SSH3: variants seen among roughly 807,000 people sequenced by gnomAD.
The protein encoded by SSH3 is slingshot protein phosphatase 3, also known as protein phosphatase Slingshot homolog 3.
A neutral mutation model predicts 75.0 loss-of-function variants in SSH3; 67 were observed. The ratio of observed to expected loss-of-function variants is 0.89; its 90% confidence interval spans 0.73 to 1.10. The LOEUF (loss-of-function observed/expected upper bound fraction) is 1.10, where lower values mean the gene tolerates loss of function less well. Ranked by LOEUF, SSH3 falls within the 50% of genes least tolerant of loss-of-function variation. The probability of loss-of-function intolerance (pLI) is 0.00; values close to 1 mark genes in which losing one functional copy is unlikely to be tolerated. For synonymous variants in SSH3, 318 were observed against 349.2 expected (o/e 0.91, Z 1.00); for missense variants, 824 against 872.7 (o/e 0.94, Z 0.70).
At chr11:67,306,724 A>G (rs759454568) in intron 3 of SSH3, 114 bp from the exon 4 acceptor site, 10 of 1,230,958 alleles carry the variant, frequency 8.1e-6, no homozygotes, top group African/African-American at 4.6e-5. Flanking sequence ...ATCTGGGAAG[A>G]GGGGGGATGG....
chr11:67,311,183 C>T (rs1400971853), intron 13 of SSH3, among the ~76,000 whole-genome samples: 3 of 152,170 alleles, frequency 2.0e-5, no homozygotes, highest in African/African-American at 7.2e-5. Flanking sequence ...AAGAGGTCCT[C>T]ACCCAGCACC....
intron 3 of SSH3, among the ~76,000 whole-genome samples, chr11:67,305,674 C>A (rs950613053): frequency 6.6e-6 from 1 of 152,098 alleles, no homozygotes; most frequent in African/African-American, 2.4e-5. Flanking sequence ...CTAAATGGAC[C>A]AGTGCACAAG....
Position 67,304,939 on chromosome 11 carries a change from C to G in SSH3, c.271C>G (p.Gln91Glu), listed in dbSNP as rs941903504. ...GCAAGGATCCCAGAGTCCCCAGAAG[C>G]AGGAGGAGCAGAGGCAGCACCTGCA... Reference protein sequence around the residue: ...FGQGSQSPQKQEEQRQHLHLM... With the variant: ...FGQGSQSPQKEEEQRQHLHLM... The change falls in exon 3 of 14, where the codon CAG becomes GAG. Residue 91 changes from glutamine (Q) to glutamate (E), a missense_variant. Physicochemically the swap from Gln to Glu is conservative, Grantham distance 29. Transcript: ENST00000308127. 6.2e-7 allele frequency: 1 copy of G among 1,613,620 alleles called. No homozygotes were observed. The highest frequency in any genetic ancestry group is 8.5e-7 in the Non-Finnish European group (1 of 1,179,968).
Position 67,311,796 on chromosome 11 carries a change from A to G in SSH3, c.1889A>G (p.Gln630Arg). The G allele has an allele frequency of 1.9e-6, 3 of 1,613,682 alleles. No homozygotes were observed. The highest frequency in any genetic ancestry group is 2.5e-6 in the Non-Finnish European group (3 of 1,179,960). Residue 630 changes from glutamine (Q) to arginine (R), a missense_variant, in exon 14 of 14, where the codon CAG (glutamine) becomes CGG (arginine). Gln to Arg is a conservative substitution (Grantham distance 43). Transcript: ENST00000308127. ...QEQEQGQGQG[Q>R]GEPCISSTPR... is the part of the protein sequence containing the mutation. ...CAGGAGCAGGGGCAGGGGCAGGGGC[A>G]GGGAGAGCCCTGCATTTCCTCTACG...
Position 67,308,518 on chromosome 11 carries a change from A to C in SSH3, c.1061+60A>C. On this transcript the variant is annotated intron_variant, in intron 10 of 13. Coordinates refer to ENST00000308127, the MANE Select transcript of SSH3 (RefSeq NM_017857.4). The surrounding 1 kb of genome is among the most constrained non-coding windows in gnomAD (Gnocchi z 4.9). ...TCTTCCCTTCTCCTGGCCTCCCCGC[A>C]TTGGGTGGTAGCCAGCTTCAAAAAC... 1.9e-6 allele frequency: 3 copies of C among 1,545,328 alleles called. No individual in the cohort carries two copies. The highest frequency in any genetic ancestry group is 1.7e-6 in the Non-Finnish European group (2 of 1,143,684).
At chr11:67,304,596 G>A (rs1375551221) in intron 2 of SSH3, among the ~76,000 whole-genome samples, 177 bp from the exon 3 acceptor site, 1 of 152,254 alleles carries the variant, frequency 6.6e-6, no homozygotes, top group Non-Finnish European at 1.5e-5. Flanking sequence ...TATTGCCAAG[G>A]GGCCGAGGGG....
In SSH3 at chr11:67,307,933, C is replaced by G; in HGVS notation, c.879C>G (p.Ser293=). The change falls in exon 8 of 14, where the codon TCC becomes TCG. Residue 293 remains serine (S), a synonymous_variant. Coordinates refer to ENST00000308127, the MANE Select transcript of SSH3 (RefSeq NM_017857.4). The surrounding 1 kb of genome is among the most constrained non-coding windows in gnomAD (Gnocchi z 4.2). ...LDVSDLESVT[S]KEIRQALELR... is the part of the protein sequence containing the mutation. ...TCAGTGACCTGGAGAGTGTCACTTC[C>G]AAAGAGGTGGGCAGGGGGCCCGGGG... is the stretch of plus-strand genomic sequence containing the variant. The G allele has an allele frequency of 6.2e-7, 1 of 1,614,210 alleles. No homozygotes were observed.
In SSH3 at chr11:67,307,699, C is replaced by T. The variant is rs1163971251; in HGVS notation, c.753C>T (p.Asp251=). Residue 251 remains aspartate (D), a synonymous_variant, in exon 7 of 14, where the codon GAC becomes GAT. Coordinates refer to ENST00000308127, the MANE Select transcript of SSH3 (RefSeq NM_017857.4). The surrounding 1 kb of genome is among the most constrained non-coding windows in gnomAD (Gnocchi z 4.2). ...SCLNEWTAMA[D]LESLRPPSAE... ...TCAATGAGTGGACGGCTATGGCCGACCTGGAGTCTCTGCGGCCTCCCAGCG... is the reference window on the plus strand; with the variant it reads ...TCAATGAGTGGACGGCTATGGCCGATCTGGAGTCTCTGCGGCCTCCCAGCG... The T allele has an allele frequency of 6.2e-7, 1 of 1,614,014 alleles. No homozygotes were observed. Among genetic ancestry groups the T allele is most frequent in the East Asian group, 2.2e-5 (1 of 44,880 alleles).
At position 67,307,105 on chromosome 11, in the gene SSH3, T is replaced by C. The variant is rs760453955; in HGVS notation, c.528T>C (p.Asp176=). 4.3e-6 allele frequency: 7 copies of C among 1,613,622 alleles called. No homozygotes were observed. The South Asian group carries it at 4.4e-5, about 10-fold the overall frequency. ...GGAGTGACACCCAGGTGTACTTAGA[T>C]GGAGACGGGTAAGCAATGGCAACTG... is the stretch of plus-strand genomic sequence containing the variant. ...PLWSDTQVYL[D]GDGGFSVTSG... Residue 176 remains aspartate, a synonymous_variant, in exon 5 of 14, where the codon GAT becomes GAC. Transcript: ENST00000308127. The surrounding 1 kb of genome is among the most constrained non-coding windows in gnomAD (Gnocchi z 4.2).
intron 1 of SSH3, 154 bp from the exon 2 acceptor site, chr11:67,303,964 C>A: frequency 9.5e-7 from 1 of 1,057,404 alleles, no homozygotes; most frequent in Non-Finnish European, 1.3e-6. Flanking sequence ...TGGGCCGGGG[C>A]TCCACGGGGC....
chr11:67,304,774 C>T lies in SSH3; in HGVS notation c.106C>T (p.Gln36Ter). The change falls in exon 3 of 14, where the codon CAG (glutamine) becomes TAG (stop). Residue 36 changes from glutamine to a stop codon, truncating the protein, a stop_gained and splice_region_variant. Coordinates refer to ENST00000308127, the MANE Select transcript of SSH3 (RefSeq NM_017857.4). LOFTEE classifies it high-confidence loss of function. ...VQRRSRLQRRQSFAVLRGAVL... is the reference protein window; with the variant it reads ...VQRRSRLQRR The stretch of plus-strand genomic sequence containing the variant: ...GACAGTTGCCCACTGCCCTGCCAGG[C>T]AGAGCTTTGCGGTGCTCCGTGGGGC... 6.2e-7 allele frequency: 1 copy of T among 1,600,162 alleles called. No individual in the cohort carries two copies. Among genetic ancestry groups the T allele is most frequent in the Non-Finnish European group, 8.5e-7 (1 of 1,174,060 alleles).
intron 2 of SSH3, 88 bp from the exon 3 acceptor site, chr11:67,304,685 T>G (rs922143616): frequency 1.5e-6 from 2 of 1,325,688 alleles, no homozygotes; most frequent in African/African-American, 1.5e-5. Context: ...AGACAAGGGC[T>G]GCAGGTGAAT....
chr11:67,304,212 C>T (rs1861160367), intron 2 of SSH3, 57 bp downstream of exon 2: 2 of 1,358,810 alleles, frequency 1.5e-6, no homozygotes, highest in African/African-American at 1.4e-5. Context: ...TGGCCACGGC[C>T]GTCCTGGGCT....
At chr11:67,304,023 C>T (rs1861150503) in intron 1 of SSH3, 95 bp from the exon 2 acceptor site, 1 of 1,442,990 alleles carries the variant, frequency 6.9e-7, no homozygotes, top group South Asian at 1.2e-5. Context: ...GCATCTGGCG[C>T]CTTTTCTGGC....
Position 67,308,609 on chromosome 11 carries a change from G to A in SSH3, c.1061+151G>A. Reference sequence around the variant, plus strand: ...TCTGTCCTGGGGCTGTTGCCCTGGTGTGGGCTCCCAGGTGGGGACAGGAGA... The same window carrying A: ...TCTGTCCTGGGGCTGTTGCCCTGGTATGGGCTCCCAGGTGGGGACAGGAGA... On this transcript the variant is annotated intron_variant, in intron 10 of 13. Transcript: ENST00000308127. The surrounding 1 kb of genome is among the most constrained non-coding windows in gnomAD (Gnocchi z 4.9). 2.5e-6 allele frequency: 3 copies of A among 1,187,798 alleles called. No homozygotes were observed. Among genetic ancestry groups the A allele is most frequent in the Non-Finnish European group, 3.5e-6 (3 of 847,152 alleles). 73.6% of individuals were successfully genotyped at this position (1,187,798 alleles called of 1,614,324 possible). A position where few individuals can be genotyped will look rare whatever the true frequency, so the allele number is the denominator to read the frequency against.
intron 13 of SSH3, 29 bp from the exon 14 acceptor site, chr11:67,311,562 A>G: frequency 6.2e-7 from 1 of 1,611,442 alleles, no homozygotes. Flanking sequence ...AAGGCCTCCC[A>G]TGGCTTCCGT....
intron 2 of SSH3, 22 bp downstream of exon 2, chr11:67,304,177 C>A: frequency 6.4e-7 from 1 of 1,568,386 alleles, no homozygotes; most frequent in Non-Finnish European, 8.7e-7. Context: ...CTCCCCCACG[C>A]AGACACTTCC....
intron 2 of SSH3, among the ~76,000 whole-genome samples, chr11:67,304,561 A>C (rs987434654): frequency 1.3e-5 from 2 of 152,192 alleles, no homozygotes; most frequent in African/African-American, 4.8e-5. Flanking sequence ...AGAGCTTGGA[A>C]GCCCCCAAGA....
intron 3 of SSH3, among the ~76,000 whole-genome samples, chr11:67,305,726 G>A (rs1861222536): frequency 6.6e-6 from 1 of 152,096 alleles, no homozygotes; most frequent in Non-Finnish European, 1.5e-5. Flanking sequence ...TGTGCTAGAG[G>A]GACCCAGGCA....
Sources: gnomAD v4.1 joint callset for allele counts (sites outside exome capture counted in the v4.1 genomes callset) on GRCh38, gnomAD v4.1.1 for gene constraint, Gnocchi (gnomAD v3.1) non-coding constraint, MANE v1.5 for transcripts, NCBI Gene and HGNC (gene_info 2026-07-23, HGNC 2026-07-21) for gene names.